Variants in WDCP observed in about 807,000 individuals in gnomAD.
The protein encoded by WDCP is WD repeat and coiled-coil-containing protein.
Under a neutral mutation model 41.6 loss-of-function variants are expected in WDCP, and 19 were observed. That is an observed-to-expected ratio of 0.46 (90% CI 0.32 to 0.67). The LOEUF is 0.67. Among genes scored for constraint, WDCP ranks in the 30% least tolerant of loss-of-function variants. The pLI is 0.04. For synonymous variants in WDCP, 302 were observed against 320.8 expected, an observed-to-expected ratio of 0.94 and a Z score of 0.63; for missense variants, 802 against 850.7, an observed-to-expected ratio of 0.94 and a Z score of 0.71.
chr2:24,044,686 C>T (rs1341825795), intron 1 of WDCP, among the ~76,000 whole-genome samples: 1 of 152,122 alleles, frequency 6.6e-6, no homozygotes, highest in African/African-American at 2.4e-5. Context: ...CCATTCCTTT[C>T]TACTCCTGTG....
chr2:24,030,879 C>A lies in WDCP; in HGVS notation c.*54G>T, dbSNP rs1663079792. On this transcript the variant is annotated 3_prime_UTR_variant, in exon 4 of 4. Coordinates refer to ENST00000295148, the MANE Select transcript of WDCP (RefSeq NM_025203.3). Reference sequence around the variant, plus strand: ...TGGCGAGTGTCCAGTGTCAAGCAGGCCTTGTTTGTAATGGTCTCATCTGAA... The same window carrying A: ...TGGCGAGTGTCCAGTGTCAAGCAGGACTTGTTTGTAATGGTCTCATCTGAA... The A allele has an allele frequency of 1.0e-5, 14 of 1,376,142 alleles. No homozygotes were observed. The highest frequency in any genetic ancestry group is 7.2e-5 in the African/African-American group (5 of 69,700). 85.2% of individuals were successfully genotyped at this position (1,376,142 alleles called of 1,614,324 possible).
rs762277944 is a variant in WDCP at position 24,031,053 on chromosome 2, G to A, written c.2046C>T (p.Val682=). The part of the protein sequence containing the change: ...IRDGSLSRSD[V]FRDSFSHSPG... ...GACTGTGAGAAAAAGAGTCTCTGAA[G>A]ACATCTGACCTGGACAGGCTGCCAT... is the stretch of plus-strand genomic sequence containing the variant. The change falls in exon 4 of 4, where the codon GTC becomes GTT. Residue 682 remains valine, a synonymous_variant. Coordinates refer to ENST00000295148, the MANE Select transcript of WDCP (RefSeq NM_025203.3). 3.1e-6 allele frequency: 5 copies of A among 1,614,200 alleles called. No homozygotes were observed. In the East Asian group the frequency reaches 1.1e-4, roughly 36 times the overall value.
intron 1 of WDCP, among the ~76,000 whole-genome samples, chr2:24,044,112 G>T (rs976804102): frequency 3.9e-5 from 6 of 152,098 alleles, no homozygotes; most frequent in African/African-American, 1.4e-4. Flanking sequence ...ACTTTCATGG[G>T]CAGAGAAAAT....
intron 1 of WDCP, among the ~76,000 whole-genome samples, chr2:24,046,648 G>C (rs576239173): frequency 1.3e-5 from 2 of 152,148 alleles, no homozygotes; most frequent in South Asian, 2.1e-4. Flanking sequence ...CCCCCAACTT[G>C]TTTTCCAAGT....
At position 24,039,400 on chromosome 2, in the gene WDCP, T is replaced by C. The variant is rs1162269895; in HGVS notation, c.95A>G (p.Asn32Ser). Residue 32 changes from asparagine (N) to serine (S), a missense_variant, in exon 2 of 4, where the codon AAT (asparagine) becomes AGT (serine). Transcript: ENST00000295148. ...PIHGLAWTDG[N>S]QVVLTDLRLH... ...CCGCAAATCAGTTAGGACAACTTGA[T>C]TCCCATCGGTCCAGGCAAGGCCATG... is the stretch of plus-strand genomic sequence containing the variant. 4 of 1,614,150 alleles carry C rather than the reference T, an allele frequency of 2.5e-6. No homozygotes were observed. In the Admixed American group the frequency reaches 6.7e-5, roughly 27 times the overall value.
chr2:24,038,604 A>G lies in WDCP; in HGVS notation c.891T>C (p.Gly297=), dbSNP rs757237129. ...TTTTTCTTAGACAAATAAGAGAATT[A>G]CCCTCAGACTTATGTTGATTGAAAT... ...HIHFNQHKSE[G]NSLICLRKKD... Residue 297 remains glycine, a synonymous_variant, in exon 2 of 4, where the codon GGT becomes GGC. Coordinates refer to ENST00000295148, the MANE Select transcript of WDCP (RefSeq NM_025203.3). The G allele has an allele frequency of 6.2e-7, 1 of 1,614,070 alleles. No individual in the cohort carries two copies. The highest frequency in any genetic ancestry group is 8.5e-7 in the Non-Finnish European group (1 of 1,179,940).
chr2:24,042,709 C>T (rs1485546908), intron 1 of WDCP, among the ~76,000 whole-genome samples: 3 of 140,636 alleles, frequency 2.1e-5, no homozygotes, highest in Non-Finnish European at 4.6e-5. Flanking sequence ...AACTCTGTCT[C>T]AAAAAAAAAA....
rs1663073670 is a variant in WDCP, at chr2:24,030,622, T to C, written c.*311A>G. On this transcript the variant is annotated 3_prime_UTR_variant, in exon 4 of 4. Transcript: ENST00000295148. ...AGCTTTGGACAAGGGACACAAAGCC[T>C]CAGAGAAACCATAAAACACCATCCA... The C allele has an allele frequency of 3.7e-6, 1 of 266,718 alleles. No homozygotes were observed. The allele number at this position is 266,718 out of a possible 1,614,324, so 16.5% of individuals were successfully genotyped here.
chr2:24,043,912 C>T (rs1663532106), intron 1 of WDCP, among the ~76,000 whole-genome samples: 1 of 151,460 alleles, frequency 6.6e-6, no homozygotes, highest in Admixed American at 6.6e-5. Flanking sequence ...GTCTATTATG[C>T]TTTTATATAT....
chr2:24,034,240 G>A (rs1228633525), intron 2 of WDCP, among the ~76,000 whole-genome samples: 1 of 152,142 alleles, frequency 6.6e-6, no homozygotes, highest in Non-Finnish European at 1.5e-5. Flanking sequence ...GGCCAACATG[G>A]TGAAACCCCA....
intron 2 of WDCP, among the ~76,000 whole-genome samples, chr2:24,034,051 A>C (rs1391566483): frequency 6.6e-6 from 1 of 152,246 alleles, no homozygotes; most frequent in Admixed American, 6.5e-5. Flanking sequence ...ATTACAGGGG[A>C]AACTATTTCT....
chr2:24,046,359 T>G (rs115741077), intron 1 of WDCP, among the ~76,000 whole-genome samples: 183 of 152,322 alleles, frequency 1.2e-3, no homozygotes, highest in Non-Finnish European at 2.2e-3. Context: ...CCAACGCTAC[T>G]GATTTTGCCT....
In WDCP at chr2:24,045,645, G is replaced by A. The variant is rs547644188; in HGVS notation, c.-19+1669C>T. 1.1e-4 allele frequency among the ~76,000 whole-genome samples: 15 copies of A among 141,610 alleles called. 1 individual carries two copies. The East Asian group carries it at 3.2e-3, about 31-fold the overall frequency. 92.9% of individuals were successfully genotyped at this position (141,610 alleles called of 152,430 possible). On this transcript the variant is annotated intron_variant, in intron 1 of 3. Transcript: ENST00000295148. The stretch of plus-strand genomic sequence containing the variant: ...AGAGAGAGAGAGAGGAAGGAAGGAA[G>A]GAAGGAAGGAAGGGGGAGGGGGAGG...
At chr2:24,035,864 A>T (rs2150949015) in intron 2 of WDCP, among the ~76,000 whole-genome samples, 1 of 151,812 alleles carries the variant, frequency 6.6e-6, no homozygotes, top group South Asian at 2.1e-4. Context: ...AGGTCAGGAG[A>T]TTGAGCTCAT....
At chr2:24,043,033 C>CAAAA (rs138929912) in intron 1 of WDCP, among the ~76,000 whole-genome samples, 1 of 135,104 alleles carries the variant, frequency 7.4e-6, no homozygotes, top group Non-Finnish European at 1.6e-5. Flanking sequence ...AACTCCGTCT[C>CAAAA]AAAAAAAAAA....
chr2:24,039,612 A>G, intron 1 of WDCP, 100 bp from the exon 2 acceptor site: 1 of 1,055,256 alleles, frequency 9.5e-7, no homozygotes, highest in Non-Finnish European at 1.4e-6. Flanking sequence ...TCCCAGGTTA[A>G]TAATGTGGAG....
At chr2:24,035,811 G>A (rs991271107) in intron 2 of WDCP, among the ~76,000 whole-genome samples, 4 of 151,662 alleles carry the variant, frequency 2.6e-5, no homozygotes, top group African/African-American at 4.8e-5. Context: ...TGGCTTACAC[G>A]TGTAATCTCA....
At position 24,037,763 on chromosome 2, in the gene WDCP, G is replaced by A. The variant is rs747512895; in HGVS notation, c.1732C>T (p.Leu578Phe). Reference protein sequence around the residue: ...LVEMQRCLSELTNRLHNGKKS... With the variant: ...LVEMQRCLSEFTNRLHNGKKS... Reference sequence around the variant, plus strand: ...TTCCCATTATGCAGACGGTTTGTAAGTTCAGAAAGACACCGTTGCATTTCA... The same window carrying A: ...TTCCCATTATGCAGACGGTTTGTAAATTCAGAAAGACACCGTTGCATTTCA... Residue 578 changes from leucine to phenylalanine, a missense_variant, in exon 2 of 4, where the codon CTT becomes TTT. Leu to Phe is a conservative substitution (Grantham distance 22). Around this residue, in one of 5 missense-constraint regions of WDCP, gnomAD observed 321 missense variants for 305.1 expected, o/e 1.05. Transcript: ENST00000295148. 3 of 1,614,234 alleles carry A rather than the reference G, an allele frequency of 1.9e-6. No homozygotes were observed. The highest frequency in any genetic ancestry group is 2.5e-6 in the Non-Finnish European group (3 of 1,180,028).
chr2:24,036,650 T>C (rs1448802036), intron 2 of WDCP, among the ~76,000 whole-genome samples: 7 of 152,200 alleles, frequency 4.6e-5, no homozygotes, highest in African/African-American at 1.7e-4. Context: ...TGCAGCATCA[T>C]TTGGAGTAGC....
Sources: allele counts gnomAD v4.1 joint callset (sites outside exome capture counted in the v4.1 genomes callset), GRCh38; gene constraint gnomAD v4.1.1; regional missense constraint gnomAD v4.1.1; transcripts MANE v1.5; gene names NCBI Gene and HGNC (gene_info 2026-07-23, HGNC 2026-07-21).